FRMD3: variants seen among roughly 807,000 people sequenced by gnomAD.
The protein encoded by FRMD3 is FERM domain-containing protein 3.
FRMD3 carries 33 observed loss-of-function variants against 70.2 expected under a neutral mutation model. That is an observed-to-expected ratio of 0.47 (90% CI 0.36 to 0.63). The LOEUF is 0.63. FRMD3 is among the 20% of genes least tolerant of loss of function. The pLI, the probability that FRMD3 is intolerant of heterozygous loss-of-function variation, is 0.00. For synonymous variants in FRMD3, 279 were observed against 255.9 expected (o/e 1.09, Z -0.86); for missense variants, 632 against 711.4 (o/e 0.89, Z 1.27).
Position 83,538,067 on chromosome 9 carries a change from G to A in FRMD3, c.147+18C>T, listed in dbSNP as rs373134970. 3.2e-4 allele frequency: 517 copies of A among 1,609,900 alleles called. No individual in the cohort carries two copies. Among genetic ancestry groups the A allele is most frequent in the Non-Finnish European group, 4.1e-4 (485 of 1,177,350 alleles). On this transcript the variant is annotated intron_variant, in intron 1 of 13. Coordinates refer to ENST00000304195, the MANE Select transcript of FRMD3 (RefSeq NM_174938.6). This position sits in a 1 kb window ranked among gnomAD's most constrained non-coding sequence, Gnocchi z 4.7. ...CTCCCGGCGTGTGCCCCGCGCCCTC[G>A]CCCGGTTCCACGCGCACCTGGATGT...
At chr9:83,487,744 A>T (rs1166108773) in intron 1 of FRMD3, among the ~76,000 whole-genome samples, 3 of 152,216 alleles carry the variant, frequency 2.0e-5, no homozygotes, top group Non-Finnish European at 4.4e-5. Flanking sequence ...GGAGAGAACA[A>T]TGAAGAGGCT....
the FRMD3 span, among the ~76,000 whole-genome samples, chr9:83,557,019 G>A: frequency 6.6e-6 from 1 of 151,910 alleles, no homozygotes; most frequent in African/African-American, 2.4e-5. Context: ...TAGTCCCAAG[G>A]AATATTTTAT....
intron 1 of FRMD3, chr9:83,467,703 T>C (rs1350106819): frequency 1.3e-6 from 2 of 1,534,514 alleles, no homozygotes; most frequent in Non-Finnish European, 1.7e-6. Context: ...TGCCTTAAAA[T>C]ACTGCCATCT....
intron 6 of FRMD3, among the ~76,000 whole-genome samples, chr9:83,314,283 C>A (rs1164691698): frequency 6.6e-6 from 1 of 152,104 alleles, no homozygotes; most frequent in African/African-American, 2.4e-5. Context: ...AGGTGGTAAA[C>A]AAGGTCTTGG....
rs780150860 is a variant in FRMD3 at position 83,446,646 on chromosome 9, CAAAA to C, written c.148-56942_148-56939del. 1.3e-3 allele frequency among the ~76,000 whole-genome samples: 111 copies of C among 83,320 alleles called. 2 individuals carry two copies. The South Asian group carries it at 0.034, about 25-fold the overall frequency. The allele number at this position is 83,320 out of a possible 152,430, so 54.7% of individuals were successfully genotyped here. ...TGGGCGACAGAGCAAGACTCGGTCT[CAAAA>C]AAAAAAAAAAAAAAAAAGGAAACCT... On this transcript the variant is annotated intron_variant, in intron 1 of 13. Transcript: ENST00000304195.
chr9:83,499,526 G>C (rs1315579507), intron 1 of FRMD3, among the ~76,000 whole-genome samples: 1 of 152,174 alleles, frequency 6.6e-6, no homozygotes, highest in Non-Finnish European at 1.5e-5. Context: ...GTGCATTTAT[G>C]ATGCTCAAGT....
intron 10 of FRMD3, among the ~76,000 whole-genome samples, chr9:83,303,077 T>C (rs1194230571): frequency 6.6e-6 from 1 of 152,168 alleles, no homozygotes; most frequent in African/African-American, 2.4e-5. Context: ...AAGATCAGGA[T>C]AGGTACTGGG....
chr9:83,560,426 T>C, the FRMD3 span, among the ~76,000 whole-genome samples: 1 of 152,200 alleles, frequency 6.6e-6, no homozygotes, highest in Non-Finnish European at 1.5e-5. Flanking sequence ...CAAATGTACA[T>C]GGAGCCAAAC....
chr9:83,296,640 G>C (rs1834672721), intron 12 of FRMD3, among the ~76,000 whole-genome samples: 1 of 152,180 alleles, frequency 6.6e-6, no homozygotes, highest in Non-Finnish European at 1.5e-5. Context: ...GGAACAGAAA[G>C]AGCATTCAAA....
At position 83,507,196 on chromosome 9, in the gene FRMD3, G is replaced by A. The variant is rs561112307; in HGVS notation, c.147+30889C>T. On this transcript the variant is annotated intron_variant, in intron 1 of 13. Transcript: ENST00000304195. Reference sequence around the variant, plus strand: ...GCCAACATGGTGAAACTGAAATCCCGTCTCTACTAAAAATACAAAAATTAG... The same window carrying A: ...GCCAACATGGTGAAACTGAAATCCCATCTCTACTAAAAATACAAAAATTAG... 9.9e-4 allele frequency among the ~76,000 whole-genome samples: 150 copies of A among 151,092 alleles called. 1 individual carries two copies. The highest frequency in any genetic ancestry group is 2.6e-3 in the Admixed American group (39 of 15,130).
Position 83,263,122 on chromosome 9 carries a change from C to T in FRMD3, c.1196-14606G>A, listed in dbSNP as rs974533533. 3.9e-5 allele frequency among the ~76,000 whole-genome samples: 6 copies of T among 152,292 alleles called. No individual in the cohort carries two copies. The South Asian group carries it at 1.0e-3, about 26-fold the overall frequency. ...GAAAGAAACAGCAGAAACTGGCAGC[C>T]GTCCTATGGTGCTGACAGCAACGGC... On this transcript the variant is annotated intron_variant, in intron 13 of 13. Transcript: ENST00000304195.
chr9:83,476,176 G>A, intron 1 of FRMD3, among the ~76,000 whole-genome samples: 1 of 152,138 alleles, frequency 6.6e-6, no homozygotes, highest in East Asian at 1.9e-4. Context: ...CTGAGGTCAG[G>A]ATTTTGAGAC....
intron 1 of FRMD3, among the ~76,000 whole-genome samples, chr9:83,427,015 A>G (rs1340773872): frequency 6.6e-6 from 1 of 152,214 alleles, no homozygotes; most frequent in Non-Finnish European, 1.5e-5. Flanking sequence ...GCCAAAGAGT[A>G]AAAAGAAAAG....
chr9:83,282,532 G>C (rs528632811), intron 13 of FRMD3, among the ~76,000 whole-genome samples: 1 of 99,662 alleles, frequency 1.0e-5, no homozygotes, highest in Non-Finnish European at 2.2e-5. Context: ...TCAAGCCACA[G>C]TCTTGGATTT....
intron 12 of FRMD3, among the ~76,000 whole-genome samples, chr9:83,294,050 T>A (rs1247167782): frequency 3.3e-5 from 5 of 152,218 alleles, no homozygotes; most frequent in African/African-American, 9.6e-5. Context: ...GGCCTCAATG[T>A]CTGTGTTTCC....
chr9:83,405,330 G>A (rs1329448182), intron 1 of FRMD3, among the ~76,000 whole-genome samples: 2 of 152,134 alleles, frequency 1.3e-5, no homozygotes, highest in African/African-American at 4.8e-5. Context: ...ACAATGCCAT[G>A]TTAGCAGAGC....
intron 2 of FRMD3, among the ~76,000 whole-genome samples, chr9:83,386,937 T>A (rs1198550889): frequency 6.6e-6 from 1 of 152,224 alleles, no homozygotes; most frequent in Non-Finnish European, 1.5e-5. Flanking sequence ...GCCACAGAGA[T>A]GATGTGTACT....
rs1378486629 is a variant in FRMD3, at chr9:83,246,400, G to T, written c.*1518C>A. ...GTACCTTCCTTGATACCATTAAATT[G>T]TTGGATTAAATCCTTTCCATCATGG... On this transcript the variant is annotated 3_prime_UTR_variant, in exon 14 of 14. Coordinates refer to ENST00000304195, the MANE Select transcript of FRMD3 (RefSeq NM_174938.6). 6.1e-6 allele frequency: 6 copies of T among 984,146 alleles called. No homozygotes were observed. The highest frequency in any genetic ancestry group is 7.2e-6 in the Non-Finnish European group (6 of 829,082). 61.0% of individuals were successfully genotyped at this position (984,146 alleles called of 1,614,324 possible).
rs549164675 is a variant in FRMD3, at chr9:83,273,530, G to A, written c.1195+17073C>T. On this transcript the variant is annotated intron_variant, in intron 13 of 13. Transcript: ENST00000304195. Reference sequence around the variant, plus strand: ...GGGTCCTCTGCCTAGGAAAACCAGAGACCCTTGTTCACTTGTTTATCTGCT... The same window carrying A: ...GGGTCCTCTGCCTAGGAAAACCAGAAACCCTTGTTCACTTGTTTATCTGCT... Among the ~76,000 whole-genome samples the A allele has an allele frequency of 4.4e-3, 657 of 148,658 alleles. 6 individuals carry two copies. The highest frequency in any genetic ancestry group is 0.015 in the African/African-American group (602 of 39,960).
Sources: gnomAD v4.1 joint callset for allele counts (sites outside exome capture counted in the v4.1 genomes callset) on GRCh38, gnomAD v4.1.1 for gene constraint, Gnocchi (gnomAD v3.1) non-coding constraint, MANE v1.5 for transcripts, NCBI Gene and HGNC (gene_info 2026-07-23, HGNC 2026-07-21) for gene names.